DAB1: variants seen among roughly 807,000 people sequenced by gnomAD.
DAB1 encodes disabled homolog 1.
DAB1 carries 15 observed loss-of-function variants against 64.6 expected under a neutral mutation model. That is an observed-to-expected ratio of 0.23 (90% confidence interval 0.16 to 0.36). DAB1 has a LOEUF of 0.36. Among genes scored for constraint, DAB1 ranks in the 10% least tolerant of loss-of-function variants. The pLI is 1.00. For missense variants in DAB1, 596 were observed against 706.7 expected (o/e 0.84, Z 1.78); for synonymous variants, 235 against 251.9 (o/e 0.93, Z 0.64).
chr1:58,354,468 A>G (rs1258658058), intron 3 of DAB1, among the ~76,000 whole-genome samples: 1 of 152,214 alleles, frequency 6.6e-6, no homozygotes, highest in Admixed American at 6.6e-5. Flanking sequence ...TGAATTTTCC[A>G]GAACAGTGAC....
upstream of DAB1, among the ~76,000 whole-genome samples, chr1:57,425,770 G>A (rs1685261439): frequency 6.6e-6 from 1 of 152,198 alleles, no homozygotes; most frequent in Admixed American, 6.5e-5. Context: ...ACTTCCAGGT[G>A]TGACAGATAA....
rs181207327 is a variant in DAB1 at position 57,073,993 on chromosome 1, C to T, written c.307-1579G>A. Among the ~76,000 whole-genome samples the T allele has an allele frequency of 7.9e-5, 12 of 152,294 alleles. No individual in the cohort carries two copies. The East Asian group carries it at 2.3e-3, about 29-fold the overall frequency. ...CCGAGCTCAAGTGATCCTCTCACTTCAGCCTCCTGGGTGGCTGGGACTACA... is the reference window on the plus strand; with the variant it reads ...CCGAGCTCAAGTGATCCTCTCACTTTAGCCTCCTGGGTGGCTGGGACTACA... On this transcript the variant is annotated intron_variant, in intron 4 of 14. Transcript: ENST00000371236.
At chr1:58,169,333 C>G (rs1218554849) in intron 4 of DAB1, among the ~76,000 whole-genome samples, 1 of 152,106 alleles carries the variant, frequency 6.6e-6, no homozygotes, top group Non-Finnish European at 1.5e-5. Context: ...CAGCAGGGTC[C>G]AGGGACCATT....
intron 7 of DAB1, among the ~76,000 whole-genome samples, chr1:57,607,229 T>C (rs935675573): frequency 5.9e-5 from 9 of 152,190 alleles, no homozygotes; most frequent in Non-Finnish European, 1.0e-4. Flanking sequence ...TTGAGCTGTG[T>C]TTGGTTGCAT....
intron 1 of DAB1, among the ~76,000 whole-genome samples, chr1:57,849,522 C>G (rs751414969): frequency 6.6e-6 from 1 of 152,084 alleles, no homozygotes; most frequent in Non-Finnish European, 1.5e-5. Context: ...CAGTTGAAGG[C>G]GTGATTCACA....
At chr1:57,551,710 C>G (rs1644915917) in intron 7 of DAB1, among the ~76,000 whole-genome samples, 1 of 152,102 alleles carries the variant, frequency 6.6e-6, no homozygotes, top group Non-Finnish European at 1.5e-5. Flanking sequence ...TAGGTCATCT[C>G]AACTTAGACT....
At chr1:57,568,959 C>T (rs1025245388) in intron 7 of DAB1, among the ~76,000 whole-genome samples, 2 of 152,166 alleles carry the variant, frequency 1.3e-5, no homozygotes, top group East Asian at 1.9e-4. Context: ...AATCATGCTG[C>T]TATAAAGACA....
chr1:57,082,667 G>A (rs1433638932), intron 4 of DAB1, among the ~76,000 whole-genome samples: 2 of 152,092 alleles, frequency 1.3e-5, no homozygotes, highest in African/African-American at 2.4e-5. Flanking sequence ...TATTTACCCT[G>A]ATGTTCTCCC....
chr1:58,334,655 T>C lies in DAB1; in HGVS notation n.309+8697A>G, dbSNP rs541815951. On this transcript the variant is annotated intron_variant and non_coding_transcript_variant, in intron 4 of 20. Transcript: ENST00000485760. The stretch of plus-strand genomic sequence containing the variant: ...TTATATCATATCATATCATATCATA[T>C]TATATTATATTATATTGTATTATAT... Among the ~76,000 whole-genome samples, 30 of 147,768 alleles carry C rather than the reference T, an allele frequency of 2.0e-4. No individual in the cohort carries two copies. The South Asian group carries it at 6.1e-3, about 30-fold the overall frequency.
chr1:57,070,710 C>T (rs1651366894), intron 7 of DAB1: 2 of 354,484 alleles, frequency 5.6e-6, no homozygotes, highest in Non-Finnish European at 1.1e-5. Context: ...CTCTAATGAA[C>T]TCAGAATATT....
intron 4 of DAB1, among the ~76,000 whole-genome samples, chr1:58,284,444 C>G (rs1357637363): frequency 6.6e-6 from 1 of 152,230 alleles, no homozygotes; most frequent in Non-Finnish European, 1.5e-5. Flanking sequence ...TCAGTTCCCC[C>G]AACCTGGCTT....
At chr1:57,299,454 C>T (rs1162047997) in intron 1 of DAB1, among the ~76,000 whole-genome samples, 1 of 152,190 alleles carries the variant, frequency 6.6e-6, no homozygotes, top group East Asian at 1.9e-4. Flanking sequence ...TCAAAGCTAA[C>T]AAAAGCCAGA....
intron 3 of DAB1, among the ~76,000 whole-genome samples, chr1:58,462,988 G>A (rs1227942804): frequency 6.6e-6 from 1 of 152,148 alleles, no homozygotes; most frequent in East Asian, 1.9e-4. Context: ...TATCTCATAG[G>A]ATGATTGTAA....
At chr1:58,433,315 A>C (rs1017346944) in intron 3 of DAB1, among the ~76,000 whole-genome samples, 3 of 152,110 alleles carry the variant, frequency 2.0e-5, no homozygotes, top group Non-Finnish European at 4.4e-5. Flanking sequence ...GATTCTAAAT[A>C]ATGTGGTCAG....
At chr1:57,153,169 G>A (rs1392667170) in intron 2 of DAB1, among the ~76,000 whole-genome samples, 1 of 152,128 alleles carries the variant, frequency 6.6e-6, no homozygotes, top group African/African-American at 2.4e-5. Flanking sequence ...GGGATTACAG[G>A]CGTACGCCAC....
chr1:57,585,007 T>C (rs189492331), intron 7 of DAB1, among the ~76,000 whole-genome samples: 1 of 152,182 alleles, frequency 6.6e-6, no homozygotes, highest in East Asian at 1.9e-4. Flanking sequence ...ATCCCAACAC[T>C]TGGGAGGCCA....
upstream of DAB1, among the ~76,000 whole-genome samples, chr1:57,886,562 T>C (rs958953507): frequency 3.3e-5 from 5 of 152,216 alleles, no homozygotes; most frequent in African/African-American, 9.6e-5. Flanking sequence ...CATATCTCAT[T>C]TAACATTTCA....
intron 4 of DAB1, among the ~76,000 whole-genome samples, chr1:57,082,928 G>A (rs548682710): frequency 5.3e-5 from 8 of 152,256 alleles, no homozygotes; most frequent in Non-Finnish European, 1.0e-4. Context: ...GGCTGAATAA[G>A]TATGGAAACA....
At chr1:57,655,987 C>A (rs1405097110) in intron 6 of DAB1, among the ~76,000 whole-genome samples, 1 of 152,086 alleles carries the variant, frequency 6.6e-6, no homozygotes, top group Non-Finnish European at 1.5e-5. Flanking sequence ...GAAATTGGAA[C>A]CCCCAATATG....
Sources: gnomAD v4.1 joint callset for allele counts (sites outside exome capture counted in the v4.1 genomes callset) on GRCh38, gnomAD v4.1.1 for gene constraint, MANE v1.5 for transcripts, NCBI Gene and HGNC (gene_info 2026-07-23, HGNC 2026-07-21) for gene names.